Variants in NAV2 observed in about 807,000 individuals in gnomAD.
The protein encoded by NAV2 is neuron navigator 2, also known as helicase, APC down-regulated 1.
A neutral mutation model predicts 223.2 loss-of-function variants in NAV2; 54 were observed. The ratio of observed to expected loss-of-function variants is 0.24; its 90% CI spans 0.19 to 0.30. NAV2 has a LOEUF of 0.30. Ranked by LOEUF, NAV2 falls within the 10% of genes least tolerant of loss-of-function variation. The probability of loss-of-function intolerance (pLI) is 1.00; values close to 1 mark genes in which losing one functional copy is unlikely to be tolerated. For missense variants in NAV2, 2,806 were observed against 3,147.5 expected, an observed-to-expected ratio of 0.89 and a Z score of 2.60; for synonymous variants, 1,279 against 1,239.3, an observed-to-expected ratio of 1.03 and a Z score of -0.67.
chr11:19,619,452 C>G (rs971750061), intron 1 of NAV2, among the ~76,000 whole-genome samples: 2 of 152,162 alleles, frequency 1.3e-5, no homozygotes, highest in African/African-American at 4.8e-5. Flanking sequence ...GATCACCATT[C>G]TAACTGGTGT....
At chr11:19,897,353 G>A (rs944636640) in intron 6 of NAV2, among the ~76,000 whole-genome samples, 4 of 151,908 alleles carry the variant, frequency 2.6e-5, no homozygotes, top group African/African-American at 4.8e-5. Context: ...TGCACGTTGT[G>A]CACATGTACC....
chr11:20,094,560 C>T (rs2061106681), intron 29 of NAV2, among the ~76,000 whole-genome samples: 1 of 152,150 alleles, frequency 6.6e-6, no homozygotes, highest in Non-Finnish European at 1.5e-5. Context: ...ATGCAGGTTA[C>T]ACCTTGTGGA....
At chr11:19,438,176 C>A (rs776938369) in intron 1 of NAV2, among the ~76,000 whole-genome samples, 2 of 152,176 alleles carry the variant, frequency 1.3e-5, no homozygotes, top group African/African-American at 2.4e-5. Flanking sequence ...TTCCCTGTGG[C>A]CTCATCGTTG....
intron 1 of NAV2, among the ~76,000 whole-genome samples, chr11:19,425,671 T>C (rs1170012663): frequency 2.0e-5 from 3 of 152,194 alleles, no homozygotes; most frequent in African/African-American, 7.2e-5. Context: ...AAATACTAAA[T>C]TTGGGGACAG....
At chr11:19,968,710 T>C (rs1035449312) in intron 10 of NAV2, among the ~76,000 whole-genome samples, 2 of 152,194 alleles carry the variant, frequency 1.3e-5, no homozygotes, top group Non-Finnish European at 2.9e-5. Context: ...TACCCCATTA[T>C]TTGGTCTGTG....
At chr11:19,541,833 C>T (rs1178222898) in intron 1 of NAV2, among the ~76,000 whole-genome samples, 1 of 152,156 alleles carries the variant, frequency 6.6e-6, no homozygotes, top group Non-Finnish European at 1.5e-5. Context: ...TGTCCTGGCT[C>T]CATATGGCAA....
intron 1 of NAV2, among the ~76,000 whole-genome samples, chr11:19,776,471 T>C (rs186120004): frequency 2.5e-4 from 38 of 152,216 alleles, no homozygotes; most frequent in African/African-American, 9.1e-4. Flanking sequence ...GAATGGCCTT[T>C]CTCCAGCAGC....
At chr11:19,658,827 A>G (rs1034503230) in intron 1 of NAV2, among the ~76,000 whole-genome samples, 6 of 152,214 alleles carry the variant, frequency 3.9e-5, no homozygotes, top group Non-Finnish European at 7.3e-5. Flanking sequence ...ATGACAGCCA[A>G]TATTCCAGTA....
At position 19,984,177 on chromosome 11, in the gene NAV2, C is replaced by T. The variant is rs149569637; in HGVS notation, c.2698C>T (p.Pro900Ser). ...GLYTRRLNRLPDGMAVVRETL... is the reference protein window; with the variant it reads ...GLYTRRLNRLSDGMAVVRETL... ...CTATACCCGTCGCCTGAACCGGCTC[C>T]CTGATGGGATGGCTGTGGTACGGGA... The change falls in exon 11 of 38, where the codon CCT (proline) becomes TCT (serine). Residue 900 changes from proline to serine, a missense_variant. Pro to Ser is a moderately conservative substitution (Grantham distance 74). Transcript: ENST00000349880. 490 of 1,614,172 alleles carry T rather than the reference C, an allele frequency of 3.0e-4. 3 individuals carry two copies. The African/African-American group carries it at 5.3e-3, about 18-fold the overall frequency.
chr11:19,826,917 G>T (rs1363371488), intron 1 of NAV2, among the ~76,000 whole-genome samples: 1 of 152,234 alleles, frequency 6.6e-6, no homozygotes, highest in Admixed American at 6.5e-5. Flanking sequence ...CGGTGGGCCA[G>T]CCCCTGTGAC....
At chr11:19,493,751 C>A (rs1322504052) in intron 1 of NAV2, among the ~76,000 whole-genome samples, 1 of 152,176 alleles carries the variant, frequency 6.6e-6, no homozygotes. Flanking sequence ...TCTGCCATCC[C>A]TCCTGACCAT....
intron 1 of NAV2, among the ~76,000 whole-genome samples, chr11:19,688,434 G>C (rs2049081354): frequency 6.6e-6 from 1 of 152,186 alleles, no homozygotes; most frequent in South Asian, 2.1e-4. Context: ...CGTGGTAACA[G>C]AGGTACACAA....
At chr11:19,508,765 C>T (rs898680434) in intron 1 of NAV2, among the ~76,000 whole-genome samples, 4 of 152,200 alleles carry the variant, frequency 2.6e-5, no homozygotes, top group African/African-American at 9.7e-5. Context: ...ACTATTGAAT[C>T]CCCAAATGCC....
intron 3 of NAV2, 68 bp from the exon 4 acceptor site, chr11:19,868,857 C>A: frequency 2.7e-6 from 4 of 1,482,920 alleles, no homozygotes; most frequent in Non-Finnish European, 1.9e-6. Context: ...TCCCATTGTT[C>A]CTCATAAGAG....
intron 1 of NAV2, among the ~76,000 whole-genome samples, chr11:19,379,554 G>T (rs938055749): frequency 6.6e-6 from 1 of 152,172 alleles, no homozygotes; most frequent in African/African-American, 2.4e-5. Context: ...AAAGGGCAGA[G>T]AAATGGGAGG....
chr11:20,079,935 G>A (rs945255657), intron 24 of NAV2, 129 bp from the exon 25 acceptor site: 1 of 902,846 alleles, frequency 1.1e-6, no homozygotes, highest in African/African-American at 1.7e-5. Context: ...GTAGGGATCA[G>A]AGTTGATGTA....
At chr11:19,634,036 T>C (rs550399731) in intron 1 of NAV2, among the ~76,000 whole-genome samples, 5 of 152,270 alleles carry the variant, frequency 3.3e-5, no homozygotes, top group Non-Finnish European at 7.3e-5. Flanking sequence ...TCTGTCACAC[T>C]GTGCCAAGGC....
At chr11:19,849,795 C>G (rs1236867169) in intron 3 of NAV2, among the ~76,000 whole-genome samples, 1 of 152,166 alleles carries the variant, frequency 6.6e-6, no homozygotes, top group Non-Finnish European at 1.5e-5. Flanking sequence ...AGCTCAGGGC[C>G]AAGATCAGCA....
At chr11:19,719,058 T>A (rs2050543475) in intron 1 of NAV2, among the ~76,000 whole-genome samples, 1 of 152,170 alleles carries the variant, frequency 6.6e-6, no homozygotes, top group Non-Finnish European at 1.5e-5. Flanking sequence ...TATTTACTTA[T>A]AAGATATAAG....
Sources: allele counts gnomAD v4.1 joint callset (sites outside exome capture counted in the v4.1 genomes callset), GRCh38; gene constraint gnomAD v4.1.1; transcripts MANE v1.5; gene names NCBI Gene and HGNC (gene_info 2026-07-23, HGNC 2026-07-21).